Variants in ANO4 observed in about 807,000 individuals in gnomAD.
ANO4 encodes the protein anoctamin-4.
In ANO4, 69 loss-of-function variants were observed where a neutral mutation model predicts 141.9. The observed-to-expected ratio is 0.49, with a 90% CI of 0.40 to 0.59. ANO4 has a LOEUF of 0.59. Among genes scored for constraint, ANO4 ranks in the 20% least tolerant of loss-of-function variants. The probability of loss-of-function intolerance (pLI) is 0.00; values close to 1 mark genes in which losing one functional copy is unlikely to be tolerated. For missense variants in ANO4, 894 were observed against 1,162.2 expected (o/e 0.77, Z 3.36); for synonymous variants, 350 against 394.3 (o/e 0.89, Z 1.33).
At chr12:100,808,854 CAATTG>C (rs2035223035) in intron 1 of ANO4, among the ~76,000 whole-genome samples, 1 of 151,974 alleles carries the variant, frequency 6.6e-6, no homozygotes, top group Non-Finnish European at 1.5e-5. Context: ...TTTAAATTTG[CAATTG>C]AATTTAGTAA....
intron 1 of ANO4, among the ~76,000 whole-genome samples, chr12:100,824,256 A>G (rs1290370114): frequency 6.6e-6 from 1 of 151,986 alleles, no homozygotes; most frequent in Non-Finnish European, 1.5e-5. Context: ...CAAGTCTCAC[A>G]CTTCTCATTT....
intron 1 of ANO4, among the ~76,000 whole-genome samples, chr12:100,840,225 A>G (rs1427613985): frequency 1.3e-5 from 2 of 152,246 alleles, no homozygotes; most frequent in East Asian, 3.9e-4. Flanking sequence ...AGTGCAATTA[A>G]CAATCCGTGT....
At chr12:100,937,572 C>G (rs539871343) in intron 3 of ANO4, among the ~76,000 whole-genome samples, 1 of 152,226 alleles carries the variant, frequency 6.6e-6, no homozygotes, top group African/African-American at 2.4e-5. Context: ...ATGAAAAGAC[C>G]ATGGTTTTTT....
At chr12:100,800,156 T>A (rs190333509) in intron 1 of ANO4, among the ~76,000 whole-genome samples, 123 of 152,354 alleles carry the variant, frequency 8.1e-4, no homozygotes, top group African/African-American at 2.8e-3. Flanking sequence ...TTACAAAAAC[T>A]ATGCATAGTT....
chr12:101,093,294 G>T (rs946024325), intron 17 of ANO4, among the ~76,000 whole-genome samples: 3 of 152,114 alleles, frequency 2.0e-5, no homozygotes, highest in Non-Finnish European at 2.9e-5. Context: ...AGCAGGACAG[G>T]AAGGTCAGTA....
At chr12:101,072,250 A>G (rs147312311) in intron 14 of ANO4, among the ~76,000 whole-genome samples, 468 of 152,238 alleles carry the variant, frequency 3.1e-3, no homozygotes, top group Non-Finnish European at 5.0e-3. Flanking sequence ...GTATAAAGAG[A>G]GCACAGGGAA....
chr12:101,074,255 G>A (rs750200462), intron 14 of ANO4, among the ~76,000 whole-genome samples: 1 of 152,170 alleles, frequency 6.6e-6, no homozygotes, highest in Admixed American at 6.5e-5. Flanking sequence ...CTGGCAGACA[G>A]CTCCACTCCA....
intron 14 of ANO4, chr12:101,068,402 C>G: frequency 1.0e-6 from 1 of 959,272 alleles, no homozygotes; most frequent in Non-Finnish European, 1.7e-6. Flanking sequence ...GAAATAAGAA[C>G]TGGAAGCTGA....
chr12:100,949,050 C>A (rs2136198837), intron 5 of ANO4, among the ~76,000 whole-genome samples: 1 of 152,242 alleles, frequency 6.6e-6, no homozygotes, highest in South Asian at 2.1e-4. Flanking sequence ...CAGCTGACGT[C>A]CAGCAACAAG....
chr12:100,883,557 C>T (rs1207793906), intron 1 of ANO4, among the ~76,000 whole-genome samples: 2 of 152,204 alleles, frequency 1.3e-5, no homozygotes, highest in African/African-American at 4.8e-5. Flanking sequence ...GCCTCTTGTA[C>T]GTGCATAAAA....
chr12:100,855,767 A>C (rs1260339219), intron 1 of ANO4, among the ~76,000 whole-genome samples: 14 of 152,214 alleles, frequency 9.2e-5, no homozygotes, highest in Non-Finnish European at 1.5e-5. Context: ...ATTAGGAATA[A>C]ATTCACATAC....
At chr12:100,767,690 A>G (rs1182447170) in intron 3 of ANO4, among the ~76,000 whole-genome samples, 2 of 152,190 alleles carry the variant, frequency 1.3e-5, no homozygotes, top group East Asian at 1.9e-4. Context: ...AAAACCTATG[A>G]ATTGTTTATT....
intron 8 of ANO4, among the ~76,000 whole-genome samples, chr12:101,013,949 TAAG>T (rs755377802): frequency 2.8e-4 from 43 of 152,330 alleles, no homozygotes; most frequent in Non-Finnish European, 5.4e-4. Context: ...TATTTTATAA[TAAG>T]CTGATTTTAG....
intron 22 of ANO4, among the ~76,000 whole-genome samples, chr12:101,103,423 G>A (rs2050290235): frequency 6.6e-6 from 1 of 150,946 alleles, no homozygotes; most frequent in South Asian, 2.1e-4. Flanking sequence ...TCCCTAGGTT[G>A]CTGAGAGTTA....
chr12:101,099,574 C>T lies in ANO4; in HGVS notation c.2007-4C>T. ...TTTTGTAAGAAATTGATCTTTTTGC[C>T]CAGGTTAATTCAGAATTGGTGGACT... On this transcript the variant is annotated splice_polypyrimidine_tract_variant and splice_region_variant and intron_variant, in intron 21 of 27. Transcript: ENST00000392977. 1 of 1,585,322 alleles carries T rather than the reference C, an allele frequency of 6.3e-7. No homozygotes were observed.
rs749410929 is a variant in ANO4 at position 101,094,343 on chromosome 12, A to G, written c.1738+51A>G. On this transcript the variant is annotated intron_variant, in intron 18 of 27. Transcript: ENST00000392977. ...AGAACTGTACTGTGGGCTAGAGAGT[A>G]TGGTTCAAAGATTCCTTTCTCTAAT... is the stretch of plus-strand genomic sequence containing the variant. 4 of 1,461,988 alleles carry G rather than the reference A, an allele frequency of 2.7e-6. No homozygotes were observed. In the African/African-American group the frequency reaches 4.3e-5, roughly 16 times the overall value. The allele number at this position is 1,461,988 out of a possible 1,614,324, so 90.6% of individuals were successfully genotyped here. A position where few individuals can be genotyped will look rare whatever the true frequency, so the allele number is the denominator to read the frequency against.
At chr12:100,749,238 G>A (rs2032253708) in intron 3 of ANO4, among the ~76,000 whole-genome samples, 1 of 152,082 alleles carries the variant, frequency 6.6e-6, no homozygotes, top group African/African-American at 2.4e-5. Flanking sequence ...GGGTTCTCTG[G>A]GGCTGTTACT....
intron 9 of ANO4, 138 bp from the exon 10 acceptor site, chr12:101,036,957 T>C (rs1486724141): frequency 1.4e-6 from 1 of 701,522 alleles, no homozygotes; most frequent in Non-Finnish European, 2.3e-6. Flanking sequence ...GCAGAGCTTT[T>C]TTTCTAACTC....
At chr12:101,101,062 G>A (rs2050166470) in intron 22 of ANO4, among the ~76,000 whole-genome samples, 1 of 152,134 alleles carries the variant, frequency 6.6e-6, no homozygotes, top group Non-Finnish European at 1.5e-5. Flanking sequence ...CAGTAGAGTT[G>A]GGTAGTTGTG....
Sources: gnomAD v4.1 joint callset for allele counts (sites outside exome capture counted in the v4.1 genomes callset) on GRCh38, gnomAD v4.1.1 for gene constraint, MANE v1.5 for transcripts, NCBI Gene and HGNC (gene_info 2026-07-23, HGNC 2026-07-21) for gene names.